Variants in PARP4 observed in about 807,000 individuals in gnomAD.
The protein encoded by PARP4 is protein mono-ADP-ribosyltransferase PARP4.
In PARP4, 120 loss-of-function variants were observed where a neutral mutation model predicts 187.7. The observed-to-expected ratio is 0.64, with a 90% confidence interval of 0.55 to 0.74. The LOEUF (loss-of-function observed/expected upper bound fraction) is 0.74. PARP4 is among the 30% of genes least tolerant of loss of function. The probability of loss-of-function intolerance (pLI) is 0.00; values close to 1 mark genes in which losing one functional copy is unlikely to be tolerated. For synonymous variants in PARP4, 654 were observed against 740.9 expected, an observed-to-expected ratio of 0.88 and a Z score of 1.90; for missense variants, 1,836 against 2,070.5, an observed-to-expected ratio of 0.89 and a Z score of 2.20.
chr13:24,454,051 C>T (rs1441359534), intron 22 of PARP4, among the ~76,000 whole-genome samples: 2 of 150,610 alleles, frequency 1.3e-5, no homozygotes, highest in Non-Finnish European at 2.9e-5. Flanking sequence ...GAGCTGAGAT[C>T]GCACCACCGC....
chr13:24,483,024 CTT>C (rs1315892007), intron 12 of PARP4, among the ~76,000 whole-genome samples: 1 of 144,624 alleles, frequency 6.9e-6, no homozygotes. Flanking sequence ...TTCTTCTTTT[CTT>C]TTTTTTTTTT....
Position 24,458,970 on chromosome 13 carries a change from C to T in PARP4, c.2424+74G>A, listed in dbSNP as rs186310682. Reference sequence around the variant, plus strand: ...TCAGCATTATTTCACTTTTCAACCACGTGCATACATTGCTTTGATAAGATA... The same window carrying T: ...TCAGCATTATTTCACTTTTCAACCATGTGCATACATTGCTTTGATAAGATA... On this transcript the variant is annotated intron_variant, in intron 20 of 33. Coordinates refer to ENST00000381989, the MANE Select transcript of PARP4 (RefSeq NM_006437.4). 1.7e-4 allele frequency: 177 copies of T among 1,030,316 alleles called. No homozygotes were observed. In the African/African-American group the frequency reaches 1.8e-3, roughly 10 times the overall value. The allele number at this position is 1,030,316 out of a possible 1,614,324, so 63.8% of individuals were successfully genotyped here. A position where few individuals can be genotyped will look rare whatever the true frequency, so the allele number is the denominator to read the frequency against.
chr13:24,505,314 C>T (rs1263462127), intron 1 of PARP4, among the ~76,000 whole-genome samples: 1 of 151,780 alleles, frequency 6.6e-6, no homozygotes, highest in Non-Finnish European at 1.5e-5. Context: ...TAGGTATGGG[C>T]GGGAGGGGTC....
rs779509940 is a variant in PARP4 at position 24,447,177 on chromosome 13, G to A, written c.3124C>T (p.Gln1042Ter). The change falls in exon 26 of 34, where the codon CAA (glutamine) becomes TAA (stop). Residue 1042 changes from glutamine (Q) to a stop codon, truncating the protein, a stop_gained. Transcript: ENST00000381989. LOFTEE classifies it high-confidence loss of function. ...CTCGGAGAACATAGCCTGGTCATTT[G>A]GTCTTCTATCTATTTATAAAAGAGG... is the stretch of plus-strand genomic sequence containing the variant. ...KHSWRKQIED[Q>*]MTRLCSPSCH... 9 of 1,601,414 alleles carry A rather than the reference G, an allele frequency of 5.6e-6. No homozygotes were observed. The highest frequency in any genetic ancestry group is 7.7e-6 in the Non-Finnish European group (9 of 1,175,272).
intron 20 of PARP4, among the ~76,000 whole-genome samples, chr13:24,458,638 T>A (rs927451690): frequency 4.4e-4 from 67 of 152,114 alleles, no homozygotes; most frequent in Admixed American, 3.1e-3. Context: ...CTTGGCTCAG[T>A]GGTAAACATC....
intron 23 of PARP4, 60 bp downstream of exon 23, chr13:24,453,527 G>A (rs1395532715): frequency 2.0e-6 from 2 of 1,023,002 alleles, no homozygotes; most frequent in Non-Finnish European, 3.1e-6. Flanking sequence ...AAGCCCTGGA[G>A]GTCCCCTTAA....
At chr13:24,477,356 G>T (rs944231056) in intron 14 of PARP4, among the ~76,000 whole-genome samples, 12 of 152,048 alleles carry the variant, frequency 7.9e-5, no homozygotes, top group Non-Finnish European at 5.9e-5. Flanking sequence ...TACTCAGGAG[G>T]CTGAGTCAGG....
rs573517103 is a variant in PARP4 at position 24,508,186 on chromosome 13, A to C, written c.-1-4409T>G. 2.9e-3 allele frequency among the ~76,000 whole-genome samples: 341 copies of C among 116,706 alleles called. 1 individual carries two copies. Among genetic ancestry groups the C allele is most frequent in the South Asian group, 9.4e-3 (39 of 4,164 alleles). The allele number at this position is 116,706 out of a possible 152,430, so 76.6% of individuals were successfully genotyped here. Reference sequence around the variant, plus strand: ...CTCTGACAATTAAAAACAACACACAAAAAAAAACACTAAAAGCCTTTAATG... The same window carrying C: ...CTCTGACAATTAAAAACAACACACACAAAAAAACACTAAAAGCCTTTAATG... On this transcript the variant is annotated intron_variant, in intron 1 of 33. Coordinates refer to ENST00000381989, the MANE Select transcript of PARP4 (RefSeq NM_006437.4).
chr13:24,430,796 C>T (rs1262781906), intron 32 of PARP4, among the ~76,000 whole-genome samples: 1 of 152,192 alleles, frequency 6.6e-6, no homozygotes, highest in Non-Finnish European at 1.5e-5. Flanking sequence ...TGAACAACTG[C>T]CTCTGGCAGA....
chr13:24,497,973 T>C, intron 6 of PARP4, 143 bp downstream of exon 6: 1 of 524,310 alleles, frequency 1.9e-6, no homozygotes, highest in Non-Finnish European at 3.4e-6. Flanking sequence ...TTGTTTAAGC[T>C]CCCTAGCCTG....
chr13:24,446,972 T>C (rs778671042), intron 26 of PARP4, 44 bp downstream of exon 26: 6 of 1,534,984 alleles, frequency 3.9e-6, no homozygotes, highest in Non-Finnish European at 5.2e-6. Context: ...ATTAGCAAAA[T>C]ATATTGGTCT....
At position 24,475,499 on chromosome 13, in the gene PARP4, T is replaced by C. The variant is rs2137507648; in HGVS notation, c.1887A>G (p.Lys629=). 3.1e-6 allele frequency: 5 copies of C among 1,613,982 alleles called. No homozygotes were observed. Among genetic ancestry groups the C allele is most frequent in the Non-Finnish European group, 4.2e-6 (5 of 1,179,868 alleles). ...NLVPLEDVHI[K]GRIIDTVAQV... ...GGGCTACAGTGTCTATGATTCTCCC[T>C]TTGATGTGGACATCCTCCAGAGGAA... The change falls in exon 15 of 34, where the codon AAA becomes AAG. Residue 629 remains lysine (K), a synonymous_variant. Coordinates refer to ENST00000381989, the MANE Select transcript of PARP4 (RefSeq NM_006437.4).
At chr13:24,462,876 C>CAT (rs56057744) in intron 17 of PARP4, among the ~76,000 whole-genome samples, 77,039 of 151,614 alleles carry the variant, frequency 0.51, 19,859 homozygotes, top group South Asian at 0.65. Flanking sequence ...AAAGTGAAAA[C>CAT]AGAGCTCCAA....
At chr13:24,476,364 C>T (rs989175859) in intron 14 of PARP4, among the ~76,000 whole-genome samples, 1 of 152,182 alleles carries the variant, frequency 6.6e-6, no homozygotes, top group African/African-American at 2.4e-5. Context: ...CAGAGGTCTT[C>T]AGACTGTCTG....
At chr13:24,432,963 G>A (rs536857364) in intron 31 of PARP4, among the ~76,000 whole-genome samples, 8 of 152,256 alleles carry the variant, frequency 5.3e-5, no homozygotes, top group African/African-American at 1.7e-4. Context: ...AAAAATGACC[G>A]CAGTGATAAT....
chr13:24,497,456 A>C (rs1869018686), intron 6 of PARP4, among the ~76,000 whole-genome samples: 4 of 152,180 alleles, frequency 2.6e-5, no homozygotes, highest in Admixed American at 2.6e-4. Flanking sequence ...AGAGGTGTAA[A>C]TATTAGGAAA....
rs1421192641 is a variant in PARP4 at position 24,492,316 on chromosome 13, G to A, written c.1053+105C>T. On this transcript the variant is annotated intron_variant, in intron 9 of 33. Coordinates refer to ENST00000381989, the MANE Select transcript of PARP4 (RefSeq NM_006437.4). ...ACAATTTATTTTCTAGTACAACTCT[G>A]GAGACAATTTCATGATTCAGTGTTA... The A allele has an allele frequency of 8.0e-6, 6 of 747,162 alleles. No homozygotes were observed. The Admixed American group carries it at 1.8e-4, about 22-fold the overall frequency. 46.3% of individuals were successfully genotyped at this position (747,162 alleles called of 1,614,324 possible).
intron 11 of PARP4, 48 bp downstream of exon 11, chr13:24,486,120 A>C: frequency 1.3e-6 from 2 of 1,546,122 alleles, no homozygotes; most frequent in Non-Finnish European, 1.8e-6. Context: ...AAAACACTTC[A>C]CATTTGTGAG....
intron 28 of PARP4, among the ~76,000 whole-genome samples, 184 bp from the exon 29 acceptor site, chr13:24,442,869 A>G (rs939718766): frequency 2.1e-5 from 3 of 144,618 alleles, no homozygotes; most frequent in African/African-American, 7.8e-5. Flanking sequence ...GCTCTTCATT[A>G]TTCAGCTCCC....
Sources: gnomAD v4.1 joint callset for allele counts (sites outside exome capture counted in the v4.1 genomes callset) on GRCh38, gnomAD v4.1.1 for gene constraint, MANE v1.5 for transcripts, NCBI Gene and HGNC (gene_info 2026-07-23, HGNC 2026-07-21) for gene names.